PTH2R: variants seen among roughly 807,000 people sequenced by gnomAD.
PTH2R encodes the protein parathyroid hormone 2 receptor, also known as PTH2 receptor.
Under a neutral mutation model 60.3 loss-of-function variants are expected in PTH2R, and 59 were observed. That is an observed-to-expected ratio of 0.98 (90% CI 0.79 to 1.22). The LOEUF is 1.22. Ranked by LOEUF, PTH2R falls within the 50% of genes most tolerant of loss-of-function variation. The pLI is 0.00. For synonymous variants in PTH2R, 256 were observed against 243.8 expected (o/e 1.05, Z -0.47); for missense variants, 749 against 682.6 (o/e 1.10, Z -1.08).
chr2:208,466,789 GAATACATTA>G (rs1175272440), intron 9 of PTH2R, among the ~76,000 whole-genome samples: 1 of 151,960 alleles, frequency 6.6e-6, no homozygotes. Flanking sequence ...AATTTTTATT[GAATACATTA>G]AATACATAAA....
At chr2:208,465,742 A>G (rs1168777039) in intron 9 of PTH2R, among the ~76,000 whole-genome samples, 1 of 152,078 alleles carries the variant, frequency 6.6e-6, no homozygotes, top group Non-Finnish European at 1.5e-5. Context: ...GCATTTTGGT[A>G]GCAAACTGAC....
rs762390560 is a variant in PTH2R, at chr2:208,493,536, C to T, written c.1530C>T (p.His510=). ...AGGACTGCCTGCCACACTCTTTCCA[C>T]GAGGAGACCAAGGAAGATAGTGGGA... The part of the protein sequence containing the change: ...SEQDCLPHSF[H]EETKEDSGRQ... The change falls in exon 13 of 13, where the codon CAC becomes CAT. Residue 510 remains histidine, a synonymous_variant. Coordinates refer to ENST00000272847, the MANE Select transcript of PTH2R (RefSeq NM_005048.4). 7.4e-6 allele frequency: 12 copies of T among 1,613,822 alleles called. No individual in the cohort carries two copies. Among genetic ancestry groups the T allele is most frequent in the South Asian group, 4.4e-5 (4 of 91,038 alleles).
In PTH2R at chr2:208,423,183, T is replaced by C. The variant is rs542918299; in HGVS notation, c.76-5018T>C. 2.3e-4 allele frequency among the ~76,000 whole-genome samples: 35 copies of C among 152,244 alleles called. No individual in the cohort carries two copies. The South Asian group carries it at 2.9e-3, about 13-fold the overall frequency. On this transcript the variant is annotated intron_variant, in intron 1 of 12. Coordinates refer to ENST00000272847, the MANE Select transcript of PTH2R (RefSeq NM_005048.4). ...TAGGTTCTCGGGGTGGGAGATTATA[T>C]TACTGATGCAAAACTTTTCTTCTTT...
intron 1 of PTH2R, among the ~76,000 whole-genome samples, chr2:208,423,474 A>G (rs181368434): frequency 6.6e-6 from 1 of 152,080 alleles, no homozygotes. Context: ...TATGCTTGCA[A>G]TTCTTTTAAA....
chr2:208,475,661 A>G (rs747443818), intron 9 of PTH2R, among the ~76,000 whole-genome samples: 2 of 152,208 alleles, frequency 1.3e-5, no homozygotes, highest in Non-Finnish European at 2.9e-5. Context: ...CCAGAGAACT[A>G]ACGTAACTGA....
chr2:208,450,634 TG>T lies in PTH2R; in HGVS notation c.854-114del. The T allele has an allele frequency of 4.0e-6, 4 of 997,064 alleles. No homozygotes were observed. In the South Asian group the frequency reaches 6.0e-5, roughly 15 times the overall value. 61.8% of individuals were successfully genotyped at this position (997,064 alleles called of 1,614,324 possible). ...CTTGTTCACATATCAGAAATTTTCA[TG>T]TCTATTTTTATCTCTGAACAGCTAA... On this transcript the variant is annotated intron_variant, in intron 7 of 12. Coordinates refer to ENST00000272847, the MANE Select transcript of PTH2R (RefSeq NM_005048.4).
At chr2:208,412,253 C>T (rs952609315) in intron 1 of PTH2R, among the ~76,000 whole-genome samples, 4 of 152,214 alleles carry the variant, frequency 2.6e-5, no homozygotes, top group Non-Finnish European at 4.4e-5. Flanking sequence ...GATATTACCA[C>T]TTTACTTTTC....
At chr2:208,475,294 A>G (rs546235545) in intron 9 of PTH2R, among the ~76,000 whole-genome samples, 2 of 152,334 alleles carry the variant, frequency 1.3e-5, no homozygotes, top group South Asian at 4.2e-4. Context: ...TTTGAATAAT[A>G]GAAATTTCTT....
At position 208,443,343 on chromosome 2, in the gene PTH2R, C is replaced by T. The variant is rs759233862; in HGVS notation, c.510-5C>T. 20 of 1,535,214 alleles carry T rather than the reference C, an allele frequency of 1.3e-5. No homozygotes were observed. Among genetic ancestry groups the T allele is most frequent in the Admixed American group, 2.2e-5 (1 of 46,454 alleles). On this transcript the variant is annotated splice_region_variant and splice_polypyrimidine_tract_variant and intron_variant, in intron 5 of 12. Transcript: ENST00000272847. ...AATTTAAATACTGAATATTTCTCTC[C>T]GTAGACGATTGCATTGCACTAGGAA...
chr2:208,423,239 C>T (rs1173438994), intron 1 of PTH2R, among the ~76,000 whole-genome samples: 1 of 152,002 alleles, frequency 6.6e-6, no homozygotes, highest in Non-Finnish European at 1.5e-5. Context: ...CTATGCATTT[C>T]TCTTAGCACT....
chr2:208,492,425 G>A (rs1341137265), intron 12 of PTH2R, among the ~76,000 whole-genome samples: 6 of 152,152 alleles, frequency 3.9e-5, no homozygotes, highest in Non-Finnish European at 7.4e-5. Flanking sequence ...ATTTTAAAGG[G>A]AGAATGAGGG....
chr2:208,377,440 AGG>A (rs1346799214), intron 1 of PTH2R, among the ~76,000 whole-genome samples: 1 of 127,028 alleles, frequency 7.9e-6, no homozygotes, highest in Non-Finnish European at 1.7e-5. Context: ...ACTTCCCAGA[AGG>A]GGCGGCCGGG....
intron 1 of PTH2R, among the ~76,000 whole-genome samples, chr2:208,427,649 A>G (rs61193569): frequency 0.078 from 11,808 of 152,230 alleles, 505 homozygotes; most frequent in African/African-American, 0.083. Flanking sequence ...ACTGTGAAAC[A>G]AATTAATGTT....
chr2:208,450,810 G>A lies in PTH2R; in HGVS notation c.914+1G>A. ...CACGAGCAACTCTGGCTGATGCGAG[G>A]TGAGTGAAAAGGCAGGGGAAACGAG... On this transcript the variant is annotated splice_donor_variant, in intron 8 of 12. Transcript: ENST00000272847. LOFTEE classifies it high-confidence loss of function. The A allele has an allele frequency of 6.2e-7, 1 of 1,613,874 alleles. No individual in the cohort carries two copies. Among genetic ancestry groups the A allele is most frequent in the South Asian group, 1.1e-5 (1 of 91,082 alleles).
chr2:208,372,082 C>T (rs1323138138), intron 1 of PTH2R, among the ~76,000 whole-genome samples: 3 of 152,036 alleles, frequency 2.0e-5, no homozygotes, highest in Non-Finnish European at 4.4e-5. Context: ...CCACTACTCT[C>T]AGCTAATTTT....
chr2:208,424,232 G>T (rs894015845), intron 1 of PTH2R, among the ~76,000 whole-genome samples: 1 of 152,068 alleles, frequency 6.6e-6, no homozygotes, highest in Non-Finnish European at 1.5e-5. Flanking sequence ...TCAGGCCAGT[G>T]AGAGGGAATG....
chr2:208,377,803 T>A (rs1700831553), intron 1 of PTH2R, among the ~76,000 whole-genome samples: 1 of 147,350 alleles, frequency 6.8e-6, no homozygotes, highest in Non-Finnish European at 1.5e-5. Flanking sequence ...GCTTCCCGCA[T>A]CTCAGACGAT....
intron 5 of PTH2R, 52 bp from the exon 6 acceptor site, chr2:208,443,296 C>T (rs992155404): frequency 1.4e-6 from 2 of 1,449,616 alleles, no homozygotes; most frequent in African/African-American, 2.9e-5. Flanking sequence ...CTGGGTGTTT[C>T]CCCCATTTTT....
intron 2 of PTH2R, among the ~76,000 whole-genome samples, chr2:208,436,625 C>T (rs1702080039): frequency 6.6e-6 from 1 of 152,104 alleles, no homozygotes. Flanking sequence ...CTGCTCATGA[C>T]CTGCGTGCAC....
Sources: gnomAD v4.1 joint callset for allele counts (sites outside exome capture counted in the v4.1 genomes callset) on GRCh38, gnomAD v4.1.1 for gene constraint, MANE v1.5 for transcripts, NCBI Gene and HGNC (gene_info 2026-07-23, HGNC 2026-07-21) for gene names.